DLGAP2: variants seen among roughly 807,000 people sequenced by gnomAD.
The protein encoded by DLGAP2 is DLG associated protein 2, also known as disks large-associated protein 2.
In DLGAP2, 26 loss-of-function variants were observed where a neutral mutation model predicts 100.3. That is an observed-to-expected ratio of 0.26 (90% confidence interval 0.19 to 0.36). The LOEUF (loss-of-function observed/expected upper bound fraction) is 0.36. DLGAP2 is among the 10% of genes least tolerant of loss of function. The probability of loss-of-function intolerance (pLI) is 1.00; values close to 1 mark genes in which losing one functional copy is unlikely to be tolerated. For synonymous variants in DLGAP2, 886 were observed against 630.1 expected (o/e 1.41, Z -6.08); for missense variants, 1,858 against 1,453.2 (o/e 1.28, Z -4.53).
chr8:1,163,134 G>T (rs1207021498), intron 2 of DLGAP2, among the ~76,000 whole-genome samples: 1 of 152,180 alleles, frequency 6.6e-6, no homozygotes, highest in Admixed American at 6.5e-5. Context: ...CCCTCCTCCT[G>T]TCCTCCGTGG....
At chr8:1,331,531 T>C (rs1358102489) in intron 3 of DLGAP2, among the ~76,000 whole-genome samples, 6 of 152,226 alleles carry the variant, frequency 3.9e-5, no homozygotes, top group African/African-American at 1.4e-4. Context: ...GGGCAGTGTT[T>C]GTAAACTCTT....
chr8:1,581,059 C>G (rs1220270926), intron 6 of DLGAP2, among the ~76,000 whole-genome samples: 2 of 143,366 alleles, frequency 1.4e-5, no homozygotes, highest in East Asian at 2.1e-4. Context: ...AGGATACAGA[C>G]AAAACCCCAC....
intron 13 of DLGAP2, 66 bp downstream of exon 13, chr8:1,691,692 C>A: frequency 2.3e-6 from 3 of 1,332,686 alleles, no homozygotes; most frequent in Non-Finnish European, 3.2e-6. Flanking sequence ...TCCACAGATT[C>A]TCATTGTTTT....
chr8:771,851 C>T (rs775442847), intron 1 of DLGAP2, among the ~76,000 whole-genome samples: 1 of 152,218 alleles, frequency 6.6e-6, no homozygotes, highest in Non-Finnish European at 1.5e-5. Context: ...GCGTGTCCTT[C>T]TAAACTGATT....
chr8:850,125 A>C (rs1025071859), intron 1 of DLGAP2, among the ~76,000 whole-genome samples: 1 of 151,204 alleles, frequency 6.6e-6, no homozygotes, highest in Non-Finnish European at 1.5e-5. Flanking sequence ...TTCCCTCTGT[A>C]TTCTGGGTCT....
intron 1 of DLGAP2, among the ~76,000 whole-genome samples, chr8:832,061 T>G (rs564116420): frequency 6.6e-6 from 1 of 152,308 alleles, no homozygotes; most frequent in African/African-American, 2.4e-5. Flanking sequence ...ATGGGGTTGT[T>G]TGTTTTTTTC....
At chr8:860,723 A>G (rs549045806) in intron 1 of DLGAP2, among the ~76,000 whole-genome samples, 1 of 152,342 alleles carries the variant, frequency 6.6e-6, no homozygotes, top group South Asian at 2.1e-4. Flanking sequence ...CCACAAAAAC[A>G]TAATCGTGTG....
At chr8:1,681,752 G>C (rs1414204421) in intron 12 of DLGAP2, among the ~76,000 whole-genome samples, 1 of 152,224 alleles carries the variant, frequency 6.6e-6, no homozygotes, top group Non-Finnish European at 1.5e-5. Context: ...CATCCCAATG[G>C]ACTAGGTGAG....
intron 2 of DLGAP2, among the ~76,000 whole-genome samples, chr8:914,880 G>A (rs1380967967): frequency 6.6e-6 from 1 of 152,172 alleles, no homozygotes; most frequent in Non-Finnish European, 1.5e-5. Context: ...GATCTGTGGG[G>A]CTGGAAATAG....
At chr8:1,638,592 G>A (rs1044478809) in intron 8 of DLGAP2, among the ~76,000 whole-genome samples, 2 of 152,186 alleles carry the variant, frequency 1.3e-5, no homozygotes, top group Non-Finnish European at 2.9e-5. Context: ...CAGGTGAGAA[G>A]GGATGAGGCC....
At chr8:1,005,200 C>G (rs1415256406) in intron 2 of DLGAP2, among the ~76,000 whole-genome samples, 2 of 152,098 alleles carry the variant, frequency 1.3e-5, no homozygotes, top group Non-Finnish European at 2.9e-5. Context: ...AGTTTGGAGC[C>G]CTTTCTGTTT....
chr8:1,411,675 C>G (rs11991794), intron 3 of DLGAP2, among the ~76,000 whole-genome samples: 189 of 152,330 alleles, frequency 1.2e-3, no homozygotes, highest in African/African-American at 3.8e-3. Flanking sequence ...TGCTAAACTT[C>G]AAACAATGCC....
At chr8:1,163,413 G>T (rs1420608203) in intron 2 of DLGAP2, among the ~76,000 whole-genome samples, 1 of 152,206 alleles carries the variant, frequency 6.6e-6, no homozygotes, top group East Asian at 1.9e-4. Context: ...CCCACGCTGG[G>T]CGAGGGGAGG....
At chr8:1,669,616 C>A in intron 9 of DLGAP2, 127 bp from the exon 10 acceptor site, 2 of 717,422 alleles carry the variant, frequency 2.8e-6, no homozygotes, top group East Asian at 5.0e-5. Flanking sequence ...GTGAGTGGAG[C>A]GTGCTGAGAG....
intron 1 of DLGAP2, among the ~76,000 whole-genome samples, chr8:742,366 C>G (rs933524977): frequency 6.6e-6 from 1 of 152,178 alleles, no homozygotes. Flanking sequence ...TGATCGTTGT[C>G]TTTAAAATGT....
At chr8:1,012,163 C>T (rs1454514732) in intron 2 of DLGAP2, among the ~76,000 whole-genome samples, 1 of 152,192 alleles carries the variant, frequency 6.6e-6, no homozygotes, top group Non-Finnish European at 1.5e-5. Context: ...GTGTGATTTT[C>T]TCCTTGAAGT....
At chr8:831,110 C>G (rs1438434359) in intron 1 of DLGAP2, among the ~76,000 whole-genome samples, 1 of 151,812 alleles carries the variant, frequency 6.6e-6, no homozygotes, top group African/African-American at 2.4e-5. Flanking sequence ...GTTGGCCAGG[C>G]TGGTCTTGAA....
intron 2 of DLGAP2, among the ~76,000 whole-genome samples, chr8:925,559 C>T (rs1278209733): frequency 6.6e-6 from 1 of 152,122 alleles, no homozygotes; most frequent in Non-Finnish European, 1.5e-5. Flanking sequence ...CTTGGATGTC[C>T]ACATTGTGGA....
intron 2 of DLGAP2, among the ~76,000 whole-genome samples, chr8:1,124,162 T>C (rs1796112812): frequency 3.3e-5 from 5 of 152,220 alleles, no homozygotes; most frequent in Admixed American, 3.3e-4. Context: ...TGTCTGTGTA[T>C]TGACTGATTC....
Sources: allele counts gnomAD v4.1 joint callset (sites outside exome capture counted in the v4.1 genomes callset), GRCh38; gene constraint gnomAD v4.1.1; transcripts MANE v1.5; gene names NCBI Gene and HGNC (gene_info 2026-07-23, HGNC 2026-07-21).